The following BHLHA9 variants were observed in gnomAD, a reference collection of about 807,000 sequenced individuals.
The protein encoded by BHLHA9 is class A basic helix-loop-helix protein 9.
For synonymous variants in BHLHA9, 177 were observed against 179.7 expected (o/e 0.98, Z 0.12); for missense variants, 344 against 365.9 (o/e 0.94, Z 0.49).
rs1218228556 is a variant in BHLHA9 at position 1,270,601 on chromosome 17, G to A, written c.38G>A (p.Arg13Gln). The A allele has an allele frequency of 7.8e-7, 1 of 1,283,332 alleles. No homozygotes were observed. The allele number at this position is 1,283,332 out of a possible 1,614,324, so 79.5% of individuals were successfully genotyped here. The change falls in exon 1 of 1, where the codon CGG (arginine) becomes CAG (glutamine). Residue 13 changes from arginine (R) to glutamine (Q), a missense_variant. Arg to Gln is a conservative substitution (Grantham distance 43). Coordinates refer to ENST00000391429, the MANE Select transcript of BHLHA9 (RefSeq NM_001164405.2). The stretch of plus-strand genomic sequence containing the variant: ...GCGCCAGGACTAGGCCTCACGGCGC[G>A]GAAGGGGGCCGAGGACTCTGCGGAG... ...RGAPGLGLTA[R>Q]KGAEDSAEDL...
At position 1,270,850 on chromosome 17, in the gene BHLHA9, T is replaced by C; in HGVS notation, c.287T>C (p.Leu96Pro). 1 of 1,476,514 alleles carries C rather than the reference T, an allele frequency of 6.8e-7. No individual in the cohort carries two copies. The highest frequency in any genetic ancestry group is 8.9e-7 in the Non-Finnish European group (1 of 1,119,384). 91.5% of individuals were successfully genotyped at this position (1,476,514 alleles called of 1,614,324 possible). ...NALRRALRHD[L>P]GGKRLSKIAT... The stretch of plus-strand genomic sequence containing the variant: ...CTGCGCCGGGCGCTGCGGCACGACC[T>C]GGGCGGCAAGAGGCTCTCCAAGATC... The change falls in exon 1 of 1, where the codon CTG becomes CCG. Residue 96 changes from leucine to proline, a missense_variant. Transcript: ENST00000391429.
chr17:1,271,693 T>C lies in BHLHA9; in HGVS notation c.*422T>C, dbSNP rs542405319. Reference sequence around the variant, plus strand: ...GGAATGCGGGTGGGGCCTGCTGTGGTCTCGTGGGCACATGAGTGCGGAGTC... The same window carrying C: ...GGAATGCGGGTGGGGCCTGCTGTGGCCTCGTGGGCACATGAGTGCGGAGTC... On this transcript the variant is annotated 3_prime_UTR_variant, in exon 1 of 1. Coordinates refer to ENST00000391429, the MANE Select transcript of BHLHA9 (RefSeq NM_001164405.2). 6.6e-6 allele frequency among the ~76,000 whole-genome samples: 1 copy of C among 152,318 alleles called. No homozygotes were observed. Among genetic ancestry groups the C allele is most frequent in the Admixed American group, 6.5e-5 (1 of 15,302 alleles).
chr17:1,271,295 C>T lies in BHLHA9; in HGVS notation c.*24C>T. ...GACCGGCCTCGAGGCACCGGCTGGG[C>T]TGCAGGGAGGCCGGGCTGGCAGCTG... is the stretch of plus-strand genomic sequence containing the variant. On this transcript the variant is annotated 3_prime_UTR_variant, in exon 1 of 1. Coordinates refer to ENST00000391429, the MANE Select transcript of BHLHA9 (RefSeq NM_001164405.2). 2.6e-5 allele frequency: 32 copies of T among 1,237,118 alleles called. No individual in the cohort carries two copies. Among genetic ancestry groups the T allele is most frequent in the Non-Finnish European group, 3.3e-5 (32 of 978,922 alleles). The allele number at this position is 1,237,118 out of a possible 1,614,324, so 76.6% of individuals were successfully genotyped here. A position where few individuals can be genotyped will look rare whatever the true frequency, so the allele number is the denominator to read the frequency against.
At position 1,271,783 on chromosome 17, in the gene BHLHA9, C is replaced by T. The variant is rs1395621594; in HGVS notation, c.*512C>T. Among the ~76,000 whole-genome samples the T allele has an allele frequency of 1.3e-5, 2 of 152,232 alleles. No individual in the cohort carries two copies. The highest frequency in any genetic ancestry group is 2.9e-5 in the Non-Finnish European group (2 of 68,044). ...AGAGGCAGGATCCGGGAGAGGCAGG[C>T]AGGGGCAGCAGCCAAATAAAAGGAA... On this transcript the variant is annotated 3_prime_UTR_variant, in exon 1 of 1. Coordinates refer to ENST00000391429, the MANE Select transcript of BHLHA9 (RefSeq NM_001164405.2).
Position 1,270,848 on chromosome 17 carries a change from C to A in BHLHA9, c.285C>A (p.Asp95Glu). 6.8e-7 allele frequency: 1 copy of A among 1,476,424 alleles called. No individual in the cohort carries two copies. The highest frequency in any genetic ancestry group is 8.9e-7 in the Non-Finnish European group (1 of 1,119,464). 91.5% of individuals were successfully genotyped at this position (1,476,424 alleles called of 1,614,324 possible). A position where few individuals can be genotyped will look rare whatever the true frequency, so the allele number is the denominator to read the frequency against. ...FNALRRALRH[D>E]LGGKRLSKIA... The stretch of plus-strand genomic sequence containing the variant: ...CGCTGCGCCGGGCGCTGCGGCACGA[C>A]CTGGGCGGCAAGAGGCTCTCCAAGA... Residue 95 changes from aspartate (D) to glutamate (E), a missense_variant, in exon 1 of 1, where the codon GAC becomes GAA. Asp to Glu is a conservative substitution (Grantham distance 45, BLOSUM62 2). Coordinates refer to ENST00000391429, the MANE Select transcript of BHLHA9 (RefSeq NM_001164405.2).
chr17:1,270,919 T>C lies in BHLHA9; in HGVS notation c.356T>C (p.Leu119Pro). 1.4e-6 allele frequency: 2 copies of C among 1,379,656 alleles called. No individual in the cohort carries two copies. Among genetic ancestry groups the C allele is most frequent in the Non-Finnish European group, 1.9e-6 (2 of 1,067,094 alleles). The allele number at this position is 1,379,656 out of a possible 1,614,324, so 85.5% of individuals were successfully genotyped here. Residue 119 changes from leucine to proline, a missense_variant, in exon 1 of 1, where the codon CTG becomes CCG. Leu to Pro is a moderately conservative substitution (Grantham distance 98). Transcript: ENST00000391429. ...RAIHRIAALS[L>P]VLRASPAPRG... The stretch of plus-strand genomic sequence containing the variant: ...ATCCACCGCATCGCCGCGCTCTCCC[T>C]GGTCCTGCGCGCCAGCCCCGCGCCC...
rs1285753969 is a variant in BHLHA9, at chr17:1,271,626, T to A, written c.*355T>A. Reference sequence around the variant, plus strand: ...CGAGCCCTGTGTGTTCTCGATGCTTTTAGGAGAGTGAGGGCTTTGAGGCAG... The same window carrying A: ...CGAGCCCTGTGTGTTCTCGATGCTTATAGGAGAGTGAGGGCTTTGAGGCAG... On this transcript the variant is annotated 3_prime_UTR_variant, in exon 1 of 1. Transcript: ENST00000391429. 6.6e-6 allele frequency among the ~76,000 whole-genome samples: 1 copy of A among 152,192 alleles called. No individual in the cohort carries two copies. The highest frequency in any genetic ancestry group is 6.5e-5 in the Admixed American group (1 of 15,282).
In BHLHA9 at chr17:1,270,738, C is replaced by G. The variant is rs899344096; in HGVS notation, c.175C>G (p.Arg59Gly). The G allele has an allele frequency of 7.3e-7, 1 of 1,371,598 alleles. No homozygotes were observed. 85.0% of individuals were successfully genotyped at this position (1,371,598 alleles called of 1,614,324 possible). A position where few individuals can be genotyped will look rare whatever the true frequency, so the allele number is the denominator to read the frequency against. ...GGAGCCGGCGGGCAGGAGGCGCGCG[C>G]GGCCGGTGCGGTCCAAGGCGCGGCG... ...AEEPAGRRRA[R>G]PVRSKARRMA... Residue 59 changes from arginine to glycine, a missense_variant, in exon 1 of 1, where the codon CGG becomes GGG. Coordinates refer to ENST00000391429, the MANE Select transcript of BHLHA9 (RefSeq NM_001164405.2).
Position 1,270,708 on chromosome 17 carries a change from G to T in BHLHA9, c.145G>T (p.Ala49Ser), listed in dbSNP as rs1598181008. The T allele has an allele frequency of 1.5e-6, 2 of 1,337,372 alleles. No homozygotes were observed. Among genetic ancestry groups the T allele is most frequent in the East Asian group, 6.2e-5 (2 of 32,306 alleles). The allele number at this position is 1,337,372 out of a possible 1,614,324, so 82.8% of individuals were successfully genotyped here. ...ANGASCSRGE[A>S]EEPAGRRRAR... Reference sequence around the variant, plus strand: ...CGGCGCTTCCTGCAGCCGGGGCGAGGCGGAGGAGCCGGCGGGCAGGAGGCG... The same window carrying T: ...CGGCGCTTCCTGCAGCCGGGGCGAGTCGGAGGAGCCGGCGGGCAGGAGGCG... Residue 49 changes from alanine (A) to serine (S), a missense_variant, in exon 1 of 1, where the codon GCG becomes TCG. Transcript: ENST00000391429.
rs2150799859 is a variant in BHLHA9 at position 1,271,041 on chromosome 17, C to T, written c.478C>T (p.Leu160Phe). Residue 160 changes from leucine (L) to phenylalanine (F), a missense_variant, in exon 1 of 1, where the codon CTC becomes TTC. By Grantham distance (22) the Leu-to-Phe change is conservative. Transcript: ENST00000391429. ...ASPPPPAGPSLARPDAARPSV... is the reference protein window; with the variant it reads ...ASPPPPAGPSFARPDAARPSV... Reference sequence around the variant, plus strand: ...CCCCCCGCCGCCTGCAGGGCCCAGCCTCGCGCGCCCAGACGCCGCCCGCCC... The same window carrying T: ...CCCCCCGCCGCCTGCAGGGCCCAGCTTCGCGCGCCCAGACGCCGCCCGCCC... 1 of 1,185,324 alleles carries T rather than the reference C, an allele frequency of 8.4e-7. No individual in the cohort carries two copies. Among genetic ancestry groups the T allele is most frequent in the Admixed American group, 4.6e-5 (1 of 21,758 alleles). 73.4% of individuals were successfully genotyped at this position (1,185,324 alleles called of 1,614,324 possible). A position where few individuals can be genotyped will look rare whatever the true frequency, so the allele number is the denominator to read the frequency against.
At position 1,270,976 on chromosome 17, in the gene BHLHA9, GC is replaced by G. The variant is rs2071878340; in HGVS notation, c.416del (p.Pro139ArgfsTer59). ...RGPCGHLECH[G>X]PAARGDTGDT... ...CCCTGCGGACACCTGGAGTGCCACG[GC>G]CCGGCCGCGCGCGGGGACACCGGGG... On this transcript the variant is annotated frameshift_variant, in exon 1 of 1. Coordinates refer to ENST00000391429, the MANE Select transcript of BHLHA9 (RefSeq NM_001164405.2). LOFTEE classifies it low-confidence loss of function (END_TRUNC). The G allele has an allele frequency of 8.1e-7, 1 of 1,227,774 alleles. No homozygotes were observed. Among genetic ancestry groups the G allele is most frequent in the Admixed American group, 4.4e-5 (1 of 22,914 alleles). 76.1% of individuals were successfully genotyped at this position (1,227,774 alleles called of 1,614,324 possible).
chr17:1,270,866 C>A lies in BHLHA9; in HGVS notation c.303C>A (p.Leu101=). ...GGCACGACCTGGGCGGCAAGAGGCT[C>A]TCCAAGATCGCCACGCTGCGCAGGG... The part of the protein sequence containing the change: ...ALRHDLGGKR[L]SKIATLRRAI... Residue 101 remains leucine (L), a synonymous_variant, in exon 1 of 1, where the codon CTC becomes CTA. Transcript: ENST00000391429. The A allele has an allele frequency of 6.8e-7, 1 of 1,475,268 alleles. No homozygotes were observed. 91.4% of individuals were successfully genotyped at this position (1,475,268 alleles called of 1,614,324 possible).
In BHLHA9 at chr17:1,270,856, G is replaced by A. The variant is rs1253175659; in HGVS notation, c.293G>A (p.Gly98Asp). ...CGGGCGCTGCGGCACGACCTGGGCGGCAAGAGGCTCTCCAAGATCGCCACG... is the reference window on the plus strand; with the variant it reads ...CGGGCGCTGCGGCACGACCTGGGCGACAAGAGGCTCTCCAAGATCGCCACG... ...LRRALRHDLGGKRLSKIATLR... is the reference protein window; with the variant it reads ...LRRALRHDLGDKRLSKIATLR... Residue 98 changes from glycine to aspartate, a missense_variant, in exon 1 of 1, where the codon GGC becomes GAC. Coordinates refer to ENST00000391429, the MANE Select transcript of BHLHA9 (RefSeq NM_001164405.2). 3 of 1,476,094 alleles carry A rather than the reference G, an allele frequency of 2.0e-6. No homozygotes were observed. Among genetic ancestry groups the A allele is most frequent in the African/African-American group, 1.5e-5 (1 of 68,200 alleles). The allele number at this position is 1,476,094 out of a possible 1,614,324, so 91.4% of individuals were successfully genotyped here.
Position 1,271,552 on chromosome 17 carries a change from C to T in BHLHA9, c.*281C>T, listed in dbSNP as rs957485032. 2 of 355,292 alleles carry T rather than the reference C, an allele frequency of 5.6e-6. No individual in the cohort carries two copies. Among genetic ancestry groups the T allele is most frequent in the Non-Finnish European group, 5.2e-6 (1 of 194,142 alleles). 22.0% of individuals were successfully genotyped at this position (355,292 alleles called of 1,614,324 possible). A position where few individuals can be genotyped will look rare whatever the true frequency, so the allele number is the denominator to read the frequency against. Reference sequence around the variant, plus strand: ...GAAAGGCTCAGGATCCTGAACTCATCTTGGACTCGAACTCGTCTTGGAATG... The same window carrying T: ...GAAAGGCTCAGGATCCTGAACTCATTTTGGACTCGAACTCGTCTTGGAATG... On this transcript the variant is annotated 3_prime_UTR_variant, in exon 1 of 1. Transcript: ENST00000391429.
rs2071874528 is a variant in BHLHA9, at chr17:1,270,634, G to A, written c.71G>A (p.Gly24Glu). ...KGAEDSAEDL[G>E]GPCPEPGGDS... ...GCCGAGGACTCTGCGGAGGACTTGG[G>A]GGGCCCCTGCCCCGAGCCCGGGGGC... The change falls in exon 1 of 1, where the codon GGG becomes GAG. Residue 24 changes from glycine to glutamate, a missense_variant. Gly to Glu is a moderately conservative substitution (Grantham distance 98). Coordinates refer to ENST00000391429, the MANE Select transcript of BHLHA9 (RefSeq NM_001164405.2). 7.7e-7 allele frequency: 1 copy of A among 1,300,558 alleles called. No homozygotes were observed. The highest frequency in any genetic ancestry group is 2.5e-5 in the South Asian group (1 of 39,950). The allele number at this position is 1,300,558 out of a possible 1,614,324, so 80.6% of individuals were successfully genotyped here. A position where few individuals can be genotyped will look rare whatever the true frequency, so the allele number is the denominator to read the frequency against.
Position 1,270,585 on chromosome 17 carries a change from C to G in BHLHA9, c.22C>G (p.Leu8Val). 3 of 1,282,952 alleles carry G rather than the reference C, an allele frequency of 2.3e-6. No homozygotes were observed. Among genetic ancestry groups the G allele is most frequent in the Non-Finnish European group, 2.9e-6 (3 of 1,020,240 alleles). 79.5% of individuals were successfully genotyped at this position (1,282,952 alleles called of 1,614,324 possible). MLRGAPG[L>V]GLTARKGAED... ...GGCCATGCTGCGGGGCGCGCCAGGA[C>G]TAGGCCTCACGGCGCGGAAGGGGGC... is the stretch of plus-strand genomic sequence containing the variant. The change falls in exon 1 of 1, where the codon CTA becomes GTA. Residue 8 changes from leucine (L) to valine (V), a missense_variant. Transcript: ENST00000391429.
At position 1,271,109 on chromosome 17, in the gene BHLHA9, C is replaced by T; in HGVS notation, c.546C>T (p.His182=). The change falls in exon 1 of 1, where the codon CAC becomes CAT. Residue 182 remains histidine (H), a synonymous_variant. Transcript: ENST00000391429. ...SAPRCASCPP[H]APLARPSAVA... ...CCCGCTGCGCCTCGTGCCCCCCGCA[C>T]GCGCCCCTGGCACGGCCCAGTGCGG... The T allele has an allele frequency of 8.1e-7, 1 of 1,237,072 alleles. No individual in the cohort carries two copies. The allele number at this position is 1,237,072 out of a possible 1,614,324, so 76.6% of individuals were successfully genotyped here.
chr17:1,271,262 G>A lies in BHLHA9; in HGVS notation c.699G>A (p.Pro233=), dbSNP rs140504068. 42 of 1,253,760 alleles carry A rather than the reference G, an allele frequency of 3.3e-5. No individual in the cohort carries two copies. In the East Asian group the frequency reaches 1.3e-3, roughly 40 times the overall value. The allele number at this position is 1,253,760 out of a possible 1,614,324, so 77.7% of individuals were successfully genotyped here. A position where few individuals can be genotyped will look rare whatever the true frequency, so the allele number is the denominator to read the frequency against. ...GATCCGCCCCCGGGATGGGCCATCC[G>A]CGCTCCTGACCGGCCTCGAGGCACC... ...YLRSAPGMGH[P]RS The change falls in exon 1 of 1, where the codon CCG becomes CCA. Residue 233 remains proline (P), a synonymous_variant. Transcript: ENST00000391429.
Position 1,271,705 on chromosome 17 carries a change from A to G in BHLHA9, c.*434A>G, listed in dbSNP as rs1472884975. 6.6e-6 allele frequency among the ~76,000 whole-genome samples: 1 copy of G among 152,252 alleles called. No individual in the cohort carries two copies. The highest frequency in any genetic ancestry group is 6.5e-5 in the Admixed American group (1 of 15,292). ...GGGCCTGCTGTGGTCTCGTGGGCAC[A>G]TGAGTGCGGAGTCCCCTTCCCTGCC... On this transcript the variant is annotated 3_prime_UTR_variant, in exon 1 of 1. Transcript: ENST00000391429.
Sources: gnomAD v4.1 joint callset for allele counts (sites outside exome capture counted in the v4.1 genomes callset) on GRCh38, gnomAD v4.1.1 for gene constraint, MANE v1.5 for transcripts, NCBI Gene and HGNC (gene_info 2026-07-23, HGNC 2026-07-21) for gene names.